Variants in RPSA2 observed in about 807,000 individuals in gnomAD.
RPSA2 encodes the protein small ribosomal subunit protein uS2B.
At chr19:23,763,663 T>C in the RPSA2 span, among the ~76,000 whole-genome samples, 1 of 152,100 alleles carries the variant, frequency 6.6e-6, no homozygotes, top group Non-Finnish European at 1.5e-5. Context: ...GAGAAGTGGT[T>C]TCGCCATGGC....
At chr19:23,804,507 G>T in the RPSA2 span, among the ~76,000 whole-genome samples, 1 of 151,930 alleles carries the variant, frequency 6.6e-6, no homozygotes, top group African/African-American at 2.4e-5. Flanking sequence ...GTGTTAGCCA[G>T]GATGGTCTCG....
chr19:23,854,392 C>A, the RPSA2 span, among the ~76,000 whole-genome samples: 1 of 152,186 alleles, frequency 6.6e-6, no homozygotes, highest in Admixed American at 6.5e-5. Context: ...AAGCATTGTA[C>A]TGAGACAGAA....
chr19:23,766,955 T>G, the RPSA2 span, among the ~76,000 whole-genome samples: 348 of 152,030 alleles, frequency 2.3e-3, no homozygotes, highest in Non-Finnish European at 3.9e-3. Context: ...TTTGCTTGTT[T>G]GTTTTGTGTT....
chr19:23,811,244 T>C, the RPSA2 span, among the ~76,000 whole-genome samples: 4 of 152,230 alleles, frequency 2.6e-5, no homozygotes, highest in East Asian at 7.7e-4. Flanking sequence ...CTTGAACTTT[T>C]GACCTCAGGT....
the RPSA2 span, among the ~76,000 whole-genome samples, chr19:23,761,907 T>C: frequency 0.3 from 9,082 of 29,874 alleles, 981 homozygotes; most frequent in East Asian, 0.48. Context: ...CGTAATTCTT[T>C]CTTTCTTTCT....
At chr19:23,842,382 G>A in the RPSA2 span, among the ~76,000 whole-genome samples, 3 of 152,286 alleles carry the variant, frequency 2.0e-5, no homozygotes, top group Admixed American at 6.5e-5. Context: ...TGTTCAGAAT[G>A]AAGGAATGCA....
chr19:23,832,960 G>A, the RPSA2 span: 134 of 1,479,686 alleles, frequency 9.1e-5, 2 homozygotes, highest in South Asian at 1.4e-3. Flanking sequence ...TCACAGTGGA[G>A]TAAAACCCTA....
the RPSA2 span, among the ~76,000 whole-genome samples, chr19:23,781,116 C>G: frequency 3.3e-5 from 5 of 152,240 alleles, no homozygotes; most frequent in East Asian, 3.9e-4. Flanking sequence ...CTGGGACTAC[C>G]GGTGCATGCC....
At chr19:23,774,132 G>A in the RPSA2 span, among the ~76,000 whole-genome samples, 2 of 152,236 alleles carry the variant, frequency 1.3e-5, no homozygotes, top group South Asian at 2.1e-4. Flanking sequence ...CTTGCACTTA[G>A]GTGATGTGAG....
chr19:23,832,453 C>T, the RPSA2 span: 1 of 486,108 alleles, frequency 2.1e-6, no homozygotes, highest in East Asian at 5.4e-5. Context: ...TAAGAGGATA[C>T]ACACTGGAGA....
chr19:23,852,438 A>C, the RPSA2 span, among the ~76,000 whole-genome samples: 1 of 152,194 alleles, frequency 6.6e-6, no homozygotes, highest in Non-Finnish European at 1.5e-5. Context: ...ACAGAGATTT[A>C]CCTACGTATT....
the RPSA2 span, among the ~76,000 whole-genome samples, chr19:23,857,485 C>CTTTTTT: frequency 6.3e-4 from 60 of 95,234 alleles, no homozygotes; most frequent in East Asian, 1.1e-3. Flanking sequence ...TTTTTAAAGT[C>CTTTTTT]TTTTTTTTTT....
At chr19:23,856,320 C>A in the RPSA2 span, among the ~76,000 whole-genome samples, 1 of 152,134 alleles carries the variant, frequency 6.6e-6, no homozygotes, top group African/African-American at 2.4e-5. Context: ...CCACATCTAA[C>A]GTTCCCTTTT....
the RPSA2 span, among the ~76,000 whole-genome samples, chr19:23,790,144 G>A: frequency 5.9e-5 from 9 of 151,760 alleles, no homozygotes; most frequent in South Asian, 2.1e-4. Context: ...GATTACAGGC[G>A]CCCGCCACTG....
the RPSA2 span, chr19:23,809,593 AAATT>A: frequency 6.6e-6 from 1 of 152,022 alleles, no homozygotes; most frequent in Non-Finnish European, 1.5e-5. Flanking sequence ...ATTTGTTCTA[AAATT>A]AATTATTTCA....
the RPSA2 span, among the ~76,000 whole-genome samples, chr19:23,769,924 T>C: frequency 5.9e-5 from 9 of 152,310 alleles, no homozygotes; most frequent in South Asian, 1.7e-3. Context: ...ATTAATCACC[T>C]AGGTGATGTG....
the RPSA2 span, among the ~76,000 whole-genome samples, chr19:23,769,266 A>T: frequency 6.6e-6 from 1 of 152,150 alleles, no homozygotes; most frequent in African/African-American, 2.4e-5. Context: ...CTCAAAGGTT[A>T]TATGTGACTT....
At chr19:23,836,825 T>G in the RPSA2 span, among the ~76,000 whole-genome samples, 148,859 of 152,188 alleles carry the variant, frequency 0.98, 72,895 homozygotes, top group Middle Eastern at 1. Context: ...TTTGAGATTT[T>G]TCTATTTTTT....
the RPSA2 span, among the ~76,000 whole-genome samples, chr19:23,848,875 C>G: frequency 6.6e-6 from 1 of 152,198 alleles, no homozygotes; most frequent in African/African-American, 2.4e-5. Context: ...TAATGCCACT[C>G]CAGCAGTGGT....
Sources: gnomAD v4.1 joint callset for allele counts (sites outside exome capture counted in the v4.1 genomes callset) on GRCh38, gnomAD v4.1.1 for gene constraint, MANE v1.5 for transcripts, NCBI Gene and HGNC (gene_info 2026-07-23, HGNC 2026-07-21) for gene names.